SLC22A23: variants seen among roughly 807,000 people sequenced by gnomAD.
SLC22A23 encodes ion transporter protein.
SLC22A23 carries 26 observed loss-of-function variants against 61.0 expected under a neutral mutation model. The observed-to-expected ratio is 0.43, with a 90% CI of 0.31 to 0.59. The LOEUF (loss-of-function observed/expected upper bound fraction) is 0.59. Ranked by LOEUF, SLC22A23 falls within the 20% of genes least tolerant of loss-of-function variation. The pLI, the probability that SLC22A23 is intolerant of heterozygous loss-of-function variation, is 0.11. For missense variants in SLC22A23, 796 were observed against 934.7 expected, an observed-to-expected ratio of 0.85 and a Z score of 1.94; for synonymous variants, 430 against 413.9, an observed-to-expected ratio of 1.04 and a Z score of -0.47.
intron 1 of SLC22A23, among the ~76,000 whole-genome samples, chr6:3,420,781 T>C (rs1181208470): frequency 6.6e-6 from 1 of 152,144 alleles, no homozygotes; most frequent in South Asian, 2.1e-4. Flanking sequence ...GAAACACAAA[T>C]AGTTAAACAC....
At chr6:3,320,871 G>C (rs1762908879) in intron 4 of SLC22A23, among the ~76,000 whole-genome samples, 1 of 152,134 alleles carries the variant, frequency 6.6e-6, no homozygotes, top group Non-Finnish European at 1.5e-5. Context: ...AGTACTTATA[G>C]AGCAGACATG....
intron 3 of SLC22A23, among the ~76,000 whole-genome samples, chr6:3,369,250 G>A (rs778465864): frequency 6.6e-6 from 1 of 152,032 alleles, no homozygotes; most frequent in Non-Finnish European, 1.5e-5. Flanking sequence ...TAAAAAAAAT[G>A]GTGGCACAAA....
chr6:3,437,000 G>A (rs539024947), intron 1 of SLC22A23, among the ~76,000 whole-genome samples: 10 of 152,292 alleles, frequency 6.6e-5, no homozygotes, highest in African/African-American at 2.2e-4. Flanking sequence ...TCCTCAGTCT[G>A]TAAATTGCCT....
At chr6:3,441,037 T>A (rs1188249996) in intron 1 of SLC22A23, among the ~76,000 whole-genome samples, 3 of 152,184 alleles carry the variant, frequency 2.0e-5, no homozygotes, top group Non-Finnish European at 4.4e-5. Context: ...GGCTGGGGCC[T>A]GTAGGAGGCA....
In SLC22A23 at chr6:3,372,988, T is replaced by A. The variant is rs1054100821; in HGVS notation, c.913+37200A>T. On this transcript the variant is annotated intron_variant, in intron 3 of 9. Transcript: ENST00000406686. This position sits in a 1 kb window ranked among gnomAD's most constrained non-coding sequence, Gnocchi z 4.7. ...CCCATGAGTTCTGAGGCTGCTCTGC[T>A]TAGGAAGGCCTGCCTGCGAGGCTGG... 2.0e-5 allele frequency among the ~76,000 whole-genome samples: 3 copies of A among 152,238 alleles called. No homozygotes were observed. The highest frequency in any genetic ancestry group is 6.5e-5 in the Admixed American group (1 of 15,288).
At chr6:3,343,144 G>A (rs891924101) in intron 3 of SLC22A23, among the ~76,000 whole-genome samples, 10 of 152,204 alleles carry the variant, frequency 6.6e-5, no homozygotes, top group Non-Finnish European at 8.8e-5. Flanking sequence ...AGATGGGGGA[G>A]TTCCGACAAA....
intron 1 of SLC22A23, among the ~76,000 whole-genome samples, chr6:3,449,298 AAAG>A (rs1263976902): frequency 2.6e-5 from 4 of 152,224 alleles, no homozygotes; most frequent in African/African-American, 9.6e-5. Context: ...AAATCATAAA[AAAG>A]AAGATTAATT....
At chr6:3,380,402 G>A (rs752710913) in intron 3 of SLC22A23, among the ~76,000 whole-genome samples, 1 of 152,168 alleles carries the variant, frequency 6.6e-6, no homozygotes, top group Non-Finnish European at 1.5e-5. Flanking sequence ...TAACTAATTT[G>A]GATGCATCAG....
chr6:3,424,902 G>GC (rs1338090304), intron 1 of SLC22A23, among the ~76,000 whole-genome samples: 1 of 152,204 alleles, frequency 6.6e-6, no homozygotes, highest in African/African-American at 2.4e-5. Context: ...GCACTAGGCT[G>GC]CAAGTTCCTT....
In SLC22A23 at chr6:3,342,080, G is replaced by T. The variant is rs1192812710; in HGVS notation, c.914-18078C>A. 6.6e-6 allele frequency among the ~76,000 whole-genome samples: 1 copy of T among 152,064 alleles called. No homozygotes were observed. Among genetic ancestry groups the T allele is most frequent in the Non-Finnish European group, 1.5e-5 (1 of 68,016 alleles). On this transcript the variant is annotated intron_variant, in intron 3 of 9. Transcript: ENST00000406686. The surrounding 1 kb of genome is among the most constrained non-coding windows in gnomAD (Gnocchi z 4.0). ...TAATTAAGATTTCTTCTTAATGAAA[G>T]CTGCTAGTTTAGGTTCAGCAGCTCC... is the stretch of plus-strand genomic sequence containing the variant.
intron 1 of SLC22A23, among the ~76,000 whole-genome samples, chr6:3,428,354 T>C (rs905301699): frequency 2.0e-5 from 3 of 152,216 alleles, no homozygotes; most frequent in Non-Finnish European, 4.4e-5. Context: ...GACATCCTTC[T>C]GTTACTTGTG....
intron 4 of SLC22A23, chr6:3,312,251 C>A (rs1412956617): frequency 6.6e-6 from 1 of 152,200 alleles, no homozygotes; most frequent in Non-Finnish European, 1.5e-5. Context: ...CAATCTATAA[C>A]CTTCCATGTG....
At position 3,329,557 on chromosome 6, in the gene SLC22A23, C is replaced by T. The variant is rs1425687623; in HGVS notation, c.914-5555G>A. Among the ~76,000 whole-genome samples the T allele has an allele frequency of 6.6e-6, 1 of 152,290 alleles. No homozygotes were observed. Among genetic ancestry groups the T allele is most frequent in the East Asian group, 1.9e-4 (1 of 5,174 alleles). ...GTGCCATGCAGGGTATGGGATGAGG[C>T]GCCCGCTCTGGCCTAGAGGTGGGGG... On this transcript the variant is annotated intron_variant, in intron 3 of 9. Transcript: ENST00000406686. This position sits in a 1 kb window ranked among gnomAD's most constrained non-coding sequence, Gnocchi z 4.8.
intron 3 of SLC22A23, among the ~76,000 whole-genome samples, chr6:3,406,670 T>C (rs556924148): frequency 6.6e-5 from 10 of 152,240 alleles, no homozygotes; most frequent in African/African-American, 2.4e-4. Flanking sequence ...GGGAAATCCA[T>C]TGAGCTTGGC....
intron 1 of SLC22A23, among the ~76,000 whole-genome samples, chr6:3,418,160 T>C (rs1357580531): frequency 6.6e-6 from 1 of 152,180 alleles, no homozygotes; most frequent in African/African-American, 2.4e-5. Context: ...GGAGCCTCAG[T>C]CGGGCACAAT....
At chr6:3,338,727 T>C (rs996667482) in intron 3 of SLC22A23, among the ~76,000 whole-genome samples, 1 of 152,238 alleles carries the variant, frequency 6.6e-6, no homozygotes, top group African/African-American at 2.4e-5. Flanking sequence ...CACTTCATAA[T>C]TATGTGATAA....
chr6:3,320,768 CT>C (rs1561895580), intron 4 of SLC22A23, among the ~76,000 whole-genome samples: 1 of 152,014 alleles, frequency 6.6e-6, no homozygotes, highest in Admixed American at 6.6e-5. Context: ...TCACCACCCA[CT>C]TTTTAACCTG....
Position 3,335,555 on chromosome 6 carries a change from C to T in SLC22A23, c.914-11553G>A, listed in dbSNP as rs374192259. 1.9e-4 allele frequency among the ~76,000 whole-genome samples: 29 copies of T among 152,298 alleles called. 1 individual carries two copies. The South Asian group carries it at 4.4e-3, about 23-fold the overall frequency. ...CAGGTGGGGACAAGGCCTCAGTGAG[C>T]AGGGCTCTCACATACCCCACAGGTG... On this transcript the variant is annotated intron_variant, in intron 3 of 9. Transcript: ENST00000406686.
chr6:3,314,119 C>T (rs938393199), intron 4 of SLC22A23, among the ~76,000 whole-genome samples: 4 of 152,192 alleles, frequency 2.6e-5, no homozygotes, highest in African/African-American at 9.6e-5. Flanking sequence ...TTTTATTGAG[C>T]CCTTATCAGG....
Sources: allele counts gnomAD v4.1 joint callset (sites outside exome capture counted in the v4.1 genomes callset), GRCh38; gene constraint gnomAD v4.1.1; non-coding constraint Gnocchi (gnomAD v3.1); transcripts MANE v1.5; gene names NCBI Gene and HGNC (gene_info 2026-07-23, HGNC 2026-07-21).